UPF2: variants seen among roughly 807,000 people sequenced by gnomAD.
UPF2 encodes the protein UPF2 regulator of nonsense mediated mRNA decay, also known as regulator of nonsense transcripts 2.
A neutral mutation model predicts 141.4 loss-of-function variants in UPF2; 17 were observed. That is an observed-to-expected ratio of 0.12 (90% CI 0.08 to 0.18). The LOEUF (loss-of-function observed/expected upper bound fraction) is 0.18, where lower values mean the gene tolerates loss of function less well. UPF2 is among the 10% of genes least tolerant of loss of function. The probability of loss-of-function intolerance (pLI) is 1.00; values close to 1 mark genes in which losing one functional copy is unlikely to be tolerated. For missense variants in UPF2, 1,152 were observed against 1,515.9 expected (o/e 0.76, Z 3.99); for synonymous variants, 540 against 498.0 (o/e 1.08, Z -1.12).
intron 11 of UPF2, among the ~76,000 whole-genome samples, chr10:11,960,549 T>C (rs1554776741): frequency 1.3e-5 from 2 of 149,006 alleles, no homozygotes; most frequent in African/African-American, 2.5e-5. Context: ...GCCTGGGTGA[T>C]GGAGTGAGAC....
intron 3 of UPF2, among the ~76,000 whole-genome samples, chr10:12,018,299 T>C (rs1834259106): frequency 6.6e-6 from 1 of 151,948 alleles, no homozygotes; most frequent in African/African-American, 2.4e-5. Context: ...AATACAAAAA[T>C]TGGCCAGGTG....
At chr10:12,010,428 C>T (rs1220554316) in intron 4 of UPF2, among the ~76,000 whole-genome samples, 2 of 152,016 alleles carry the variant, frequency 1.3e-5, no homozygotes, top group Admixed American at 1.3e-4. Context: ...GAAAATATGA[C>T]AAGACATAGA....
rs1009271012 is a variant in UPF2, at chr10:11,949,877, G to C, written c.3035-1369C>G. The stretch of plus-strand genomic sequence containing the variant: ...TACACTAAAAATATTATTTACAGTG[G>C]TATAAAACTAGAATCAACCTAAGAG... On this transcript the variant is annotated intron_variant, in intron 15 of 21. Coordinates refer to ENST00000357604, the MANE Select transcript of UPF2 (RefSeq NM_015542.4). 1.1e-4 allele frequency among the ~76,000 whole-genome samples: 17 copies of C among 152,194 alleles called. No individual in the cohort carries two copies. In the East Asian group the frequency reaches 3.1e-3, roughly 28 times the overall value.
At chr10:11,954,310 T>C (rs930266506) in intron 14 of UPF2, among the ~76,000 whole-genome samples, 2 of 151,998 alleles carry the variant, frequency 1.3e-5, no homozygotes, top group Non-Finnish European at 2.9e-5. Flanking sequence ...TAACACATTT[T>C]CCTCAAAAAT....
chr10:11,943,239 GA>G, intron 16 of UPF2, 71 bp from the exon 17 acceptor site: 1 of 1,274,258 alleles, frequency 7.8e-7, no homozygotes, highest in Non-Finnish European at 1.1e-6. Context: ...GCCTTAAAAA[GA>G]TTTCAAAACT....
intron 11 of UPF2, among the ~76,000 whole-genome samples, chr10:11,962,577 T>C (rs769361596): frequency 1.3e-5 from 2 of 152,196 alleles, no homozygotes; most frequent in East Asian, 1.9e-4. Context: ...TCCCCCTGGG[T>C]TTCTGAAACA....
Position 11,979,221 on chromosome 10 carries a change from T to C in UPF2, c.1845-56A>G. On this transcript the variant is annotated intron_variant, in intron 8 of 21. Transcript: ENST00000357604. This position sits in a 1 kb window ranked among gnomAD's most constrained non-coding sequence, Gnocchi z 6.2. ...GGAAAGACATATCAAAAATAATTCA[T>C]TTTAAAATTTAAACTTTTCAGATGT... 1 of 1,384,366 alleles carries C rather than the reference T, an allele frequency of 7.2e-7. No individual in the cohort carries two copies. Among genetic ancestry groups the C allele is most frequent in the South Asian group, 1.3e-5 (1 of 78,150 alleles). The allele number at this position is 1,384,366 out of a possible 1,614,324, so 85.8% of individuals were successfully genotyped here. A position where few individuals can be genotyped will look rare whatever the true frequency, so the allele number is the denominator to read the frequency against.
intron 9 of UPF2, among the ~76,000 whole-genome samples, chr10:11,969,694 T>C (rs1249365309): frequency 6.6e-6 from 1 of 152,180 alleles, no homozygotes; most frequent in African/African-American, 2.4e-5. Context: ...TCTTATTAAT[T>C]TACCTTATTT....
chr10:11,988,834 T>G (rs1833736246), intron 8 of UPF2, among the ~76,000 whole-genome samples: 1 of 152,218 alleles, frequency 6.6e-6, no homozygotes, highest in Non-Finnish European at 1.5e-5. Context: ...TCTCCTCGCT[T>G]GAGGGCTATC....
At chr10:11,944,648 G>A (rs1467935996) in intron 16 of UPF2, among the ~76,000 whole-genome samples, 1 of 152,058 alleles carries the variant, frequency 6.6e-6, no homozygotes, top group Non-Finnish European at 1.5e-5. Context: ...ACACTTAAAA[G>A]ACACTTCCCA....
At position 12,001,757 on chromosome 10, in the gene UPF2, G is replaced by T; in HGVS notation, c.1573C>A (p.Leu525Ile). Residue 525 changes from leucine (L) to isoleucine (I), a missense_variant, in exon 6 of 22, where the codon CTA (leucine) becomes ATA (isoleucine). Leu to Ile is a conservative substitution (Grantham distance 5). Transcript: ENST00000357604. ...TCTAAGGTGTCATCATTAATTTCTA[G>T]ATTCTCCAACTCAAGTTCCAAATCA... ...PDDLELELEN[L>I]EINDDTLELE... 6.2e-7 allele frequency: 1 copy of T among 1,612,920 alleles called. No homozygotes were observed. The highest frequency in any genetic ancestry group is 8.5e-7 in the Non-Finnish European group (1 of 1,179,564).
chr10:12,001,963 T>C (rs1833959772), intron 5 of UPF2, 138 bp from the exon 6 acceptor site: 2 of 774,172 alleles, frequency 2.6e-6, no homozygotes, highest in South Asian at 2.3e-5. Context: ...TTAATATATT[T>C]AGATTTTATA....
intron 1 of UPF2, among the ~76,000 whole-genome samples, chr10:12,038,416 A>ACC (rs1046201330): frequency 1.3e-5 from 2 of 149,822 alleles, no homozygotes; most frequent in African/African-American, 4.9e-5. Context: ...ACACACACAC[A>ACC]CACAAATTAC....
chr10:12,033,127 C>A (rs192052713), intron 2 of UPF2, among the ~76,000 whole-genome samples: 4 of 151,794 alleles, frequency 2.6e-5, no homozygotes, highest in Non-Finnish European at 5.9e-5. Flanking sequence ...TATTTGGCCA[C>A]GCAAAGTAGT....
chr10:11,930,355 C>T (rs1290589324), intron 20 of UPF2, among the ~76,000 whole-genome samples: 1 of 152,136 alleles, frequency 6.6e-6, no homozygotes, highest in Non-Finnish European at 1.5e-5. Flanking sequence ...GTTCAATTTC[C>T]CTCAATGTAA....
chr10:11,985,884 C>CTTTTT (rs746117868), intron 8 of UPF2, among the ~76,000 whole-genome samples: 3 of 100,724 alleles, frequency 3.0e-5, no homozygotes, highest in African/African-American at 1.3e-4. Context: ...TAGATCCTTC[C>CTTTTT]TTTTTTTTTT....
chr10:11,966,592 T>C (rs1833324783), intron 10 of UPF2, among the ~76,000 whole-genome samples: 1 of 152,048 alleles, frequency 6.6e-6, no homozygotes, highest in Admixed American at 6.5e-5. Flanking sequence ...GCCTGGCTAA[T>C]TTTGTATTTT....
At position 11,936,752 on chromosome 10, in the gene UPF2, T is replaced by C. The variant is rs137951038; in HGVS notation, c.3379-40A>G. ...AAAGGACATAATAAACACTCCAAGATATATACGGATATATGTCAATATAAA... is the reference window on the plus strand; with the variant it reads ...AAAGGACATAATAAACACTCCAAGACATATACGGATATATGTCAATATAAA... On this transcript the variant is annotated intron_variant, in intron 18 of 21. Transcript: ENST00000357604. This position sits in a 1 kb window ranked among gnomAD's most constrained non-coding sequence, Gnocchi z 6.6. The C allele has an allele frequency of 3.3e-5, 50 of 1,531,508 alleles. No individual in the cohort carries two copies. The African/African-American group carries it at 6.0e-4, about 18-fold the overall frequency. 94.9% of individuals were successfully genotyped at this position (1,531,508 alleles called of 1,614,324 possible).
At chr10:12,012,992 G>T (rs563825958) in intron 4 of UPF2, among the ~76,000 whole-genome samples, 1 of 151,432 alleles carries the variant, frequency 6.6e-6, no homozygotes, top group African/African-American at 2.4e-5. Context: ...AGACATGGTG[G>T]TGCACACCTG....
Sources: gnomAD v4.1 joint callset for allele counts (sites outside exome capture counted in the v4.1 genomes callset) on GRCh38, gnomAD v4.1.1 for gene constraint, Gnocchi (gnomAD v3.1) non-coding constraint, MANE v1.5 for transcripts, NCBI Gene and HGNC (gene_info 2026-07-23, HGNC 2026-07-21) for gene names.